Variants in ZNF285 observed in about 807,000 individuals in gnomAD.
The protein encoded by ZNF285 is zinc finger protein 285, also known as zinc finger protein 285A.
Under a neutral mutation model 6.2 loss-of-function variants are expected in ZNF285, and 4 were observed. That is an observed-to-expected ratio of 0.65 (90% CI 0.32 to 1.49). ZNF285 has a LOEUF of 1.49. Among genes scored for constraint, ZNF285 ranks in the 40% most tolerant of loss-of-function variants. The probability of loss-of-function intolerance (pLI) is 0.07; values close to 1 mark genes in which losing one functional copy is unlikely to be tolerated. For missense variants in ZNF285, 695 were observed against 708.8 expected, an observed-to-expected ratio of 0.98 and a Z score of 0.22; for synonymous variants, 240 against 245.8, an observed-to-expected ratio of 0.98 and a Z score of 0.22.
At position 44,387,998 on chromosome 19, in the gene ZNF285, C is replaced by G. The variant is rs749067872; in HGVS notation, c.247G>C (p.Asp83His). 9.9e-6 allele frequency: 16 copies of G among 1,614,120 alleles called. No individual in the cohort carries two copies. The South Asian group carries it at 1.8e-4, about 18-fold the overall frequency. Residue 83 changes from aspartate to histidine, a missense_variant, in exon 4 of 4, where the codon GAT (aspartate) becomes CAT (histidine). Asp to His is a moderately conservative substitution (Grantham distance 81). Coordinates refer to ENST00000614994, the MANE Select transcript of ZNF285 (RefSeq NM_152354.6). ...ATATAATCCTGACTCACAGTTAAAT[C>G]CCGGATCCTTTGTTTCCAAATCTGC... ...CWQIWKQRIRDLTVSQDYIVN... is the reference protein window; with the variant it reads ...CWQIWKQRIRHLTVSQDYIVN...
At chr19:44,393,768 T>C (rs1971235615) in intron 2 of ZNF285, among the ~76,000 whole-genome samples, 1 of 152,114 alleles carries the variant, frequency 6.6e-6, no homozygotes, top group South Asian at 2.1e-4. Context: ...CAACAGGTGC[T>C]GGAGAGGATG....
chr19:44,400,730 GTGC>G, intron 1 of ZNF285, among the ~76,000 whole-genome samples: 1 of 151,932 alleles, frequency 6.6e-6, no homozygotes, highest in African/African-American at 2.4e-5. Context: ...GCCTGCCACC[GTGC>G]CCGGCTAATT....
intron 1 of ZNF285, among the ~76,000 whole-genome samples, chr19:44,401,095 C>T (rs534353668): frequency 6.6e-6 from 1 of 152,030 alleles, no homozygotes; most frequent in Non-Finnish European, 1.5e-5. Flanking sequence ...ATCGCCCCCA[C>T]CAAACTGAGC....
At chr19:44,397,108 T>C in intron 2 of ZNF285, 91 bp downstream of exon 2, 1 of 1,591,588 alleles carries the variant, frequency 6.3e-7, no homozygotes, top group Non-Finnish European at 8.6e-7. Context: ...TAGTAGTCAC[T>C]CAAAAAATGC....
At chr19:44,392,196 G>C in intron 3 of ZNF285, 144 bp downstream of exon 3, 1 of 1,511,428 alleles carries the variant, frequency 6.6e-7, no homozygotes, top group South Asian at 1.4e-5. Flanking sequence ...ATTAACTGTA[G>C]GTTTCTAACC....
At chr19:44,399,625 C>T (rs2437017) in intron 1 of ZNF285, among the ~76,000 whole-genome samples, 6 of 151,914 alleles carry the variant, frequency 3.9e-5, no homozygotes, top group Admixed American at 6.5e-5. Context: ...AGCACACATC[C>T]ACACACATGC....
intron 3 of ZNF285, among the ~76,000 whole-genome samples, chr19:44,390,615 C>G (rs1268981645): frequency 3.3e-5 from 5 of 152,022 alleles, no homozygotes; most frequent in Admixed American, 2.0e-4. Flanking sequence ...TGAGTTAAGA[C>G]TTTGTGGGAC....
chr19:44,386,739 A>ATGTAAGTGAAAATATGAAC lies in ZNF285; in HGVS notation c.1487_1505dup (p.His502GlnfsTer18). 1 of 1,614,142 alleles carries ATGTAAGTGAAAATATGAAC rather than the reference A, an allele frequency of 6.2e-7. No homozygotes were observed. Among genetic ancestry groups the ATGTAAGTGAAAATATGAAC allele is most frequent in the African/African-American group, 1.3e-5 (1 of 75,038 alleles). On this transcript the variant is annotated frameshift_variant, in exon 4 of 4. Transcript: ENST00000614994. LOFTEE classifies it low-confidence loss of function (END_TRUNC). Reference sequence around the variant, plus strand: ...GTTTCTCTCTGATGTGATCTCTTTGATGTAAGTGAAAATATGAACTGTAAC... The same window carrying ATGTAAGTGAAAATATGAAC: ...GTTTCTCTCTGATGTGATCTCTTTGATGTAAGTGAAAATATGAACTGTAAGTGAAAATATGAACTGTAAC...
chr19:44,397,846 C>T (rs1366204130), intron 1 of ZNF285, among the ~76,000 whole-genome samples: 1 of 150,582 alleles, frequency 6.6e-6, no homozygotes, highest in Non-Finnish European at 1.5e-5. Context: ...CCACTGCACT[C>T]CAGCCTGGGC....
chr19:44,387,710 C>T lies in ZNF285; in HGVS notation c.535G>A (p.Ala179Thr). ...CAACTGAGGCTGTCATCATGCTGAG[C>T]ACGTCTGTACAATTTCTCTTCCATG... ...IYMEEKLYRR[A>T]QHDDSLSWTS... is the part of the protein sequence containing the mutation. The change falls in exon 4 of 4, where the codon GCT (alanine) becomes ACT (threonine). Residue 179 changes from alanine (A) to threonine (T), a missense_variant. Physicochemically the swap from Ala to Thr is moderately conservative, Grantham distance 58. Transcript: ENST00000614994. 6.2e-7 allele frequency: 1 copy of T among 1,613,866 alleles called. No individual in the cohort carries two copies. Among genetic ancestry groups the T allele is most frequent in the Non-Finnish European group, 8.5e-7 (1 of 1,179,842 alleles).
rs1231635344 is a variant in ZNF285 at position 44,388,179 on chromosome 19, T to G, written c.143-77A>C. On this transcript the variant is annotated intron_variant, in intron 3 of 3. Transcript: ENST00000614994. ...GAGGTTTTGAGAAAATGTAATATGA[T>G]GGGGTGGGAAGTTGTCCCTGGGTTC... is the stretch of plus-strand genomic sequence containing the variant. 6.5e-6 allele frequency: 9 copies of G among 1,380,788 alleles called. No homozygotes were observed. The Admixed American group carries it at 8.3e-5, about 13-fold the overall frequency. The allele number at this position is 1,380,788 out of a possible 1,614,324, so 85.5% of individuals were successfully genotyped here. A position where few individuals can be genotyped will look rare whatever the true frequency, so the allele number is the denominator to read the frequency against.
Position 44,384,514 on chromosome 19 carries a change from A to C in ZNF285, c.*1958T>G, listed in dbSNP as rs1489043708. On this transcript the variant is annotated 3_prime_UTR_variant, in exon 4 of 4. Coordinates refer to ENST00000614994, the MANE Select transcript of ZNF285 (RefSeq NM_152354.6). ...AAAATATTTCACTATTATCCACCTG[A>C]TCAGTAAGAAAATGACACTTCAGGG... 2.0e-5 allele frequency: 3 copies of C among 152,118 alleles called. No homozygotes were observed. The highest frequency in any genetic ancestry group is 4.4e-5 in the Non-Finnish European group (3 of 68,018). The allele number at this position is 152,118 out of a possible 1,614,324, so 9.4% of individuals were successfully genotyped here.
At chr19:44,389,964 C>A (rs1258851387) in intron 3 of ZNF285, among the ~76,000 whole-genome samples, 1 of 152,122 alleles carries the variant, frequency 6.6e-6, no homozygotes, top group Non-Finnish European at 1.5e-5. Flanking sequence ...GCTGTGTGAT[C>A]GTGGGCAAGT....
rs1971078958 is a variant in ZNF285, at chr19:44,386,646, G to C, written c.1599C>G (p.Val533=). Residue 533 remains valine, a synonymous_variant, in exon 4 of 4, where the codon GTC becomes GTG. Transcript: ENST00000614994. ...RNSDLNVHLR[V]HTGERPYKCK... ...ACTTATAGGGCCTCTCTCCTGTGTG[G>C]ACTCTGAGGTGAACATTAAGATCTG... The C allele has an allele frequency of 6.2e-7, 1 of 1,613,956 alleles. No homozygotes were observed. Among genetic ancestry groups the C allele is most frequent in the Non-Finnish European group, 8.5e-7 (1 of 1,180,006 alleles).
rs774208313 is a variant in ZNF285 at position 44,388,003 on chromosome 19, A to C, written c.242T>G (p.Ile81Ser). ...ATCCTGACTCACAGTTAAATCCCGGATCCTTTGTTTCCAAATCTGCCAGCA... is the reference window on the plus strand; with the variant it reads ...ATCCTGACTCACAGTTAAATCCCGGCTCCTTTGTTTCCAAATCTGCCAGCA... ...LHCWQIWKQR[I>S]RDLTVSQDYI... Residue 81 changes from isoleucine to serine, a missense_variant, in exon 4 of 4, where the codon ATC (isoleucine) becomes AGC (serine). By Grantham distance (142) the Ile-to-Ser change is moderately radical. Coordinates refer to ENST00000614994, the MANE Select transcript of ZNF285 (RefSeq NM_152354.6). 5.1e-5 allele frequency: 83 copies of C among 1,614,016 alleles called. No homozygotes were observed. The highest frequency in any genetic ancestry group is 7.0e-5 in the Non-Finnish European group (83 of 1,180,022).
At chr19:44,395,872 C>G (rs1165400227) in intron 2 of ZNF285, among the ~76,000 whole-genome samples, 1 of 152,082 alleles carries the variant, frequency 6.6e-6, no homozygotes, top group African/African-American at 2.4e-5. Flanking sequence ...GAGGACACAA[C>G]CAAGCTAACC....
At chr19:44,388,154 G>C (rs1478023616) in intron 3 of ZNF285, 52 bp from the exon 4 acceptor site, 2 of 1,528,238 alleles carry the variant, frequency 1.3e-6, no homozygotes, top group South Asian at 2.5e-5. Flanking sequence ...CATCCATCCA[G>C]AGGTTTTGAG....
intron 1 of ZNF285, chr19:44,401,292 G>A (rs11672088): frequency 0.072 from 11,004 of 152,504 alleles, 507 homozygotes; most frequent in African/African-American, 0.12. Flanking sequence ...AGCGCAAGTC[G>A]CTGTCACGAA....
chr19:44,385,767 G>A lies in ZNF285; in HGVS notation c.*705C>T, dbSNP rs1453248924. 1 of 152,234 alleles carries A rather than the reference G, an allele frequency of 6.6e-6. No homozygotes were observed. Among genetic ancestry groups the A allele is most frequent in the Non-Finnish European group, 1.5e-5 (1 of 68,050 alleles). The allele number at this position is 152,234 out of a possible 1,614,324, so 9.4% of individuals were successfully genotyped here. A position where few individuals can be genotyped will look rare whatever the true frequency, so the allele number is the denominator to read the frequency against. ...CTCCAAGGTCACCTTGGCAGGGATA[G>A]AGAAGCCTGAGGATGTTTGTAAAGG... On this transcript the variant is annotated 3_prime_UTR_variant, in exon 4 of 4. Transcript: ENST00000614994.
Sources: gnomAD v4.1 joint callset for allele counts (sites outside exome capture counted in the v4.1 genomes callset) on GRCh38, gnomAD v4.1.1 for gene constraint, MANE v1.5 for transcripts, NCBI Gene and HGNC (gene_info 2026-07-23, HGNC 2026-07-21) for gene names.